Variants in UBR4 observed in about 807,000 individuals in gnomAD.
UBR4 encodes the protein E3 ubiquitin-protein ligase UBR4.
UBR4 carries 124 observed loss-of-function variants against 575.6 expected under a neutral mutation model. The observed-to-expected ratio is 0.22, with a 90% CI of 0.19 to 0.25. The LOEUF (loss-of-function observed/expected upper bound fraction) is 0.25, where lower values mean the gene tolerates loss of function less well. Among genes scored for constraint, UBR4 ranks in the 10% least tolerant of loss-of-function variants. UBR4 has a pLI of 1.00. For missense variants in UBR4, 4,818 were observed against 6,478.8 expected (o/e 0.74, Z 8.80); for synonymous variants, 2,455 against 2,473.7 (o/e 0.99, Z 0.22).
intron 103 of UBR4, chr1:19,079,815 T>C (rs2076311184): frequency 6.6e-6 from 1 of 152,270 alleles, no homozygotes. Context: ...CCCTTTGCTG[T>C]GGCTGTTGTG....
Position 19,112,875 on chromosome 1 carries a change from CA to C in UBR4, c.11458-9del, listed in dbSNP as rs752620707. Reference sequence around the variant, plus strand: ...GCGCGAAGCAAAGACTTTCTAAGAACAAAAAGGCAACAATAATGGGAATTAG... The same window carrying C: ...GCGCGAAGCAAAGACTTTCTAAGAACAAAAGGCAACAATAATGGGAATTAG... On this transcript the variant is annotated splice_polypyrimidine_tract_variant and intron_variant, in intron 77 of 105. Coordinates refer to ENST00000375254, the MANE Select transcript of UBR4 (RefSeq NM_020765.3). The C allele has an allele frequency of 3.9e-6, 6 of 1,541,566 alleles. 1 individual carries two copies. In the African/African-American group the frequency reaches 5.5e-5, roughly 14 times the overall value.
intron 60 of UBR4, among the ~76,000 whole-genome samples, chr1:19,133,926 A>C (rs553650914): frequency 6.6e-6 from 1 of 152,114 alleles, no homozygotes; most frequent in South Asian, 2.1e-4. Context: ...TAAAAATACA[A>C]TAATTAGCTG....
Position 19,100,591 on chromosome 1 carries a change from G to A in UBR4, c.13024-18C>T. ...TTCTCCTCCTGGAGGACAGACAGAAGGGTGCATCAGAAGGGATGGCAGAGG... is the reference window on the plus strand; with the variant it reads ...TTCTCCTCCTGGAGGACAGACAGAAAGGTGCATCAGAAGGGATGGCAGAGG... On this transcript the variant is annotated intron_variant, in intron 88 of 105. Coordinates refer to ENST00000375254, the MANE Select transcript of UBR4 (RefSeq NM_020765.3). The surrounding 1 kb of genome is among the most constrained non-coding windows in gnomAD (Gnocchi z 4.2). The A allele has an allele frequency of 6.2e-7, 1 of 1,613,224 alleles. No homozygotes were observed. Among genetic ancestry groups the A allele is most frequent in the Non-Finnish European group, 8.5e-7 (1 of 1,179,372 alleles).
At chr1:19,168,466 C>T (rs1003188399) in intron 27 of UBR4, among the ~76,000 whole-genome samples, 1 of 152,060 alleles carries the variant, frequency 6.6e-6, no homozygotes, top group African/African-American at 2.4e-5. Context: ...TAAAGTAAAA[C>T]TATTGTTTGT....
intron 15 of UBR4, 80 bp downstream of exon 15, chr1:19,185,019 G>A: frequency 6.4e-7 from 1 of 1,550,632 alleles, no homozygotes; most frequent in South Asian, 1.1e-5. Context: ...GCCACAAAAT[G>A]TTTGCATTCA....
At chr1:19,186,470 G>C in intron 14 of UBR4, 70 bp downstream of exon 14, 1 of 1,363,708 alleles carries the variant, frequency 7.3e-7, no homozygotes, top group Non-Finnish European at 1.0e-6. Context: ...GAAACTACAG[G>C]AATCTGCTGA....
intron 71 of UBR4, 110 bp downstream of exon 71, chr1:19,118,762 C>T: frequency 1.8e-6 from 2 of 1,103,282 alleles, no homozygotes; most frequent in South Asian, 2.8e-5. Flanking sequence ...GGCAGATTCG[C>T]TCTTCTCTCA....
intron 57 of UBR4, 24 bp from the exon 58 acceptor site, chr1:19,140,916 CACA>C: frequency 6.3e-7 from 1 of 1,585,396 alleles, no homozygotes; most frequent in Non-Finnish European, 8.6e-7. Flanking sequence ...GGAGAGTGAG[CACA>C]ACATCCCCTC....
intron 81 of UBR4, among the ~76,000 whole-genome samples, chr1:19,109,086 T>C (rs550897225): frequency 6.6e-6 from 1 of 152,300 alleles, no homozygotes; most frequent in East Asian, 1.9e-4. Context: ...ATGTCCAGCT[T>C]CCCCACATCA....
chr1:19,156,667 A>G, intron 41 of UBR4, 100 bp downstream of exon 41: 1 of 1,485,324 alleles, frequency 6.7e-7, no homozygotes, highest in African/African-American at 1.4e-5. Flanking sequence ...TTAAATTTTA[A>G]TCTCCACAAC....
intron 8 of UBR4, among the ~76,000 whole-genome samples, chr1:19,194,104 G>A (rs1035571047): frequency 2.0e-5 from 3 of 152,114 alleles, no homozygotes; most frequent in African/African-American, 7.2e-5. Flanking sequence ...GTACAATATG[G>A]TAATCATGGA....
In UBR4 at chr1:19,208,428, C is replaced by T. The variant is rs552824518; in HGVS notation, c.176+1645G>A. Among the ~76,000 whole-genome samples the T allele has an allele frequency of 4.5e-5, 6 of 132,470 alleles. No individual in the cohort carries two copies. The East Asian group carries it at 1.4e-3, about 32-fold the overall frequency. The allele number at this position is 132,470 out of a possible 152,430, so 86.9% of individuals were successfully genotyped here. ...CTTGCAGTGAGCTGAGATGGCGCCACTGCATTCCAGCCTGGGTGACAGAGC... is the reference window on the plus strand; with the variant it reads ...CTTGCAGTGAGCTGAGATGGCGCCATTGCATTCCAGCCTGGGTGACAGAGC... On this transcript the variant is annotated intron_variant, in intron 1 of 105. Coordinates refer to ENST00000375254, the MANE Select transcript of UBR4 (RefSeq NM_020765.3).
rs762969539 is a variant in UBR4 at position 19,164,215 on chromosome 1, C to G, written c.4700+38G>C. Reference sequence around the variant, plus strand: ...AAGAAAGTAACCCACTTCTCAAGATCAATGTTGTAACCTACAGATACAACT... The same window carrying G: ...AAGAAAGTAACCCACTTCTCAAGATGAATGTTGTAACCTACAGATACAACT... On this transcript the variant is annotated intron_variant, in intron 33 of 105. Transcript: ENST00000375254. 135 of 1,582,246 alleles carry G rather than the reference C, an allele frequency of 8.5e-5. 1 individual carries two copies. Among genetic ancestry groups the G allele is most frequent in the Non-Finnish European group, 7.9e-5 (92 of 1,161,470 alleles).
In UBR4 at chr1:19,112,512, G is replaced by A; in HGVS notation, c.11801+12C>T. ...GAACCACTAGGCCCATAACCATGGT[G>A]TAGGTACTGACCGAGTTAGGAGGCA... On this transcript the variant is annotated intron_variant, in intron 78 of 105. Transcript: ENST00000375254. 1.3e-6 allele frequency: 2 copies of A among 1,599,560 alleles called. No individual in the cohort carries two copies. The highest frequency in any genetic ancestry group is 2.2e-5 in the East Asian group (1 of 44,838).
At chr1:19,092,194 T>C (rs567090036) in intron 97 of UBR4, among the ~76,000 whole-genome samples, 18 of 152,154 alleles carry the variant, frequency 1.2e-4, no homozygotes, top group Non-Finnish European at 1.9e-4. Flanking sequence ...CTGATGTCTA[T>C]ATCCTGGTTG....
intron 25 of UBR4, among the ~76,000 whole-genome samples, chr1:19,171,218 C>CA (rs11365192): frequency 1.3e-5 from 2 of 151,802 alleles, no homozygotes; most frequent in Non-Finnish European, 2.9e-5. Context: ...CAAAACAAAA[C>CA]AAAAAAAACT....
At chr1:19,184,224 C>A in intron 15 of UBR4, 49 bp from the exon 16 acceptor site, 15 of 1,580,688 alleles carry the variant, frequency 9.5e-6, no homozygotes, top group Non-Finnish European at 1.2e-5. Flanking sequence ...ATAAGCCCAG[C>A]GTTCCTATAA....
Position 19,186,676 on chromosome 1 carries a change from CA to C in UBR4, c.1633-20del. 2.5e-6 allele frequency: 4 copies of C among 1,610,996 alleles called. No individual in the cohort carries two copies. On this transcript the variant is annotated intron_variant, in intron 13 of 105. Transcript: ENST00000375254. ...CACATGCCTAGGAAAATGACAATTA[CA>C]AAACCGGAGCCATCCTATTTAATCT...
chr1:19,094,886 A>AGG lies in UBR4; in HGVS notation c.13746+18_13746+19dup. The AGG allele has an allele frequency of 6.2e-7, 1 of 1,611,850 alleles. No homozygotes were observed. ...GCAGGCTCTCAGTGCCTGCAGATGG[A>AGG]GGGGCCGAGCCCCACTCACCTTGTC... On this transcript the variant is annotated intron_variant, in intron 94 of 105. Coordinates refer to ENST00000375254, the MANE Select transcript of UBR4 (RefSeq NM_020765.3).
Sources: gnomAD v4.1 joint callset for allele counts (sites outside exome capture counted in the v4.1 genomes callset) on GRCh38, gnomAD v4.1.1 for gene constraint, Gnocchi (gnomAD v3.1) non-coding constraint, MANE v1.5 for transcripts, NCBI Gene and HGNC (gene_info 2026-07-23, HGNC 2026-07-21) for gene names.